Variants in KLF12 observed in about 807,000 individuals in gnomAD.
KLF12 encodes the protein Krueppel-like factor 12.
KLF12 carries 9 observed loss-of-function variants against 37.8 expected under a neutral mutation model. That is an observed-to-expected ratio of 0.24 (90% CI 0.14 to 0.42). The LOEUF (loss-of-function observed/expected upper bound fraction) is 0.42, where lower values mean the gene tolerates loss of function less well. KLF12 is among the 10% of genes least tolerant of loss of function. The probability of loss-of-function intolerance (pLI) is 1.00; values close to 1 mark genes in which losing one functional copy is unlikely to be tolerated. For synonymous variants in KLF12, 208 were observed against 202.1 expected (o/e 1.03, Z -0.25); for missense variants, 411 against 516.0 (o/e 0.80, Z 1.97).
chr13:74,057,284 A>T (rs2138628395), intron 1 of KLF12, among the ~76,000 whole-genome samples: 1 of 152,316 alleles, frequency 6.6e-6, no homozygotes, highest in Admixed American at 6.5e-5. Context: ...ACAAAGTACA[A>T]CAGGGACAGC....
At chr13:73,717,700 A>T (rs1462252516) in intron 6 of KLF12, among the ~76,000 whole-genome samples, 1 of 152,232 alleles carries the variant, frequency 6.6e-6, no homozygotes, top group Admixed American at 6.5e-5. Flanking sequence ...CAGCTTTCTT[A>T]TCAATGTGGA....
chr13:74,130,582 G>A (rs1260261633), intron 1 of KLF12, among the ~76,000 whole-genome samples: 2 of 151,506 alleles, frequency 1.3e-5, no homozygotes. Context: ...CCTTGAGCCC[G>A]GGAATTTGAG....
the KLF12 span, among the ~76,000 whole-genome samples, chr13:74,169,628 A>G: frequency 1.3e-5 from 2 of 152,220 alleles, no homozygotes; most frequent in Non-Finnish European, 2.9e-5. Context: ...TTGCCCTTGG[A>G]TAACTTTTTG....
At chr13:73,847,393 T>C (rs1404978912) in intron 3 of KLF12, among the ~76,000 whole-genome samples, 3 of 152,136 alleles carry the variant, frequency 2.0e-5, no homozygotes, top group Non-Finnish European at 4.4e-5. Flanking sequence ...TTATATTAAA[T>C]TGGTTCATTT....
intron 6 of KLF12, among the ~76,000 whole-genome samples, chr13:73,730,020 G>T (rs1031867525): frequency 1.7e-4 from 26 of 152,108 alleles, no homozygotes; most frequent in African/African-American, 5.8e-4. Context: ...TTCTCAGAAC[G>T]ACCTTGGCCT....
chr13:74,097,234 T>C (rs1473699689), intron 1 of KLF12, among the ~76,000 whole-genome samples: 1 of 152,196 alleles, frequency 6.6e-6, no homozygotes, highest in Non-Finnish European at 1.5e-5. Flanking sequence ...CTTTTTTGAG[T>C]TCCCATCTTA....
chr13:73,827,511 C>G (rs1229261256), intron 4 of KLF12, among the ~76,000 whole-genome samples: 1 of 152,170 alleles, frequency 6.6e-6, no homozygotes, highest in Admixed American at 6.5e-5. Context: ...ATCCAAAGAA[C>G]ACTCCCACCT....
At chr13:74,189,786 TAAC>T in the KLF12 span, among the ~76,000 whole-genome samples, 1 of 152,210 alleles carries the variant, frequency 6.6e-6, no homozygotes, top group Non-Finnish European at 1.5e-5. Context: ...TTTTTCATCT[TAAC>T]AAGTTATCAG....
At chr13:73,799,470 A>T (rs1453119344) in intron 5 of KLF12, among the ~76,000 whole-genome samples, 1 of 141,368 alleles carries the variant, frequency 7.1e-6, no homozygotes, top group Non-Finnish European at 1.5e-5. Flanking sequence ...TGTATGTAAA[A>T]GGATTACATA....
intron 2 of KLF12, among the ~76,000 whole-genome samples, chr13:73,972,129 G>A (rs1891364862): frequency 1.3e-5 from 2 of 152,072 alleles, no homozygotes; most frequent in East Asian, 1.9e-4. Context: ...AGTAAAGGGA[G>A]GAAAAAACAT....
At chr13:73,937,838 C>T (rs1008585114) in intron 3 of KLF12, among the ~76,000 whole-genome samples, 3 of 152,104 alleles carry the variant, frequency 2.0e-5, no homozygotes, top group African/African-American at 7.2e-5. Flanking sequence ...ATCAGTCTAA[C>T]TCTGCATCTT....
chr13:73,951,616 A>G (rs1890650541), intron 2 of KLF12, among the ~76,000 whole-genome samples: 1 of 152,214 alleles, frequency 6.6e-6, no homozygotes. Context: ...AGGTGGAAGC[A>G]GCAAGGCAAA....
intron 3 of KLF12, among the ~76,000 whole-genome samples, chr13:73,924,132 A>T (rs532945301): frequency 6.6e-6 from 1 of 152,376 alleles, no homozygotes; most frequent in South Asian, 2.1e-4. Flanking sequence ...AGTAGGACTC[A>T]GGTAGAGCAT....
intron 1 of KLF12, among the ~76,000 whole-genome samples, chr13:74,041,383 TTC>T (rs1218488055): frequency 2.0e-5 from 3 of 152,196 alleles, no homozygotes; most frequent in Admixed American, 1.3e-4. Context: ...TGAGTTTTAT[TTC>T]TCTTTTTGTG....
chr13:73,930,860 A>ATTT (rs11432866), intron 3 of KLF12, among the ~76,000 whole-genome samples: 1,589 of 109,206 alleles, frequency 0.015, 2 homozygotes, highest in Middle Eastern at 0.025. Context: ...AACTGGAAAC[A>ATTT]TTTTTTTTTT....
chr13:73,806,459 G>A (rs1392866583), intron 5 of KLF12, among the ~76,000 whole-genome samples: 1 of 151,814 alleles, frequency 6.6e-6, no homozygotes, highest in Non-Finnish European at 1.5e-5. Context: ...TTGAACTCCT[G>A]GGCTCAATTG....
the KLF12 span, among the ~76,000 whole-genome samples, chr13:74,214,400 T>G: frequency 6.6e-6 from 1 of 152,226 alleles, no homozygotes; most frequent in Non-Finnish European, 1.5e-5. Flanking sequence ...ATTCAGTGTC[T>G]TCCTGTATTT....
intron 2 of KLF12, among the ~76,000 whole-genome samples, chr13:73,979,897 G>C (rs1412927844): frequency 2.0e-5 from 3 of 152,010 alleles, no homozygotes; most frequent in Non-Finnish European, 4.4e-5. Context: ...TCAATGGCTG[G>C]TGTTCTTATA....
At chr13:73,817,324 A>AAAAAAAAGAAAAG (rs1184659945) in intron 4 of KLF12, among the ~76,000 whole-genome samples, 92 of 97,868 alleles carry the variant, frequency 9.4e-4, no homozygotes, top group African/African-American at 2.3e-3. Flanking sequence ...GTTTCAAAAA[A>AAAAAAAAGAAAAG]AAAAGAAAAG....
Sources: gnomAD v4.1 joint callset for allele counts (sites outside exome capture counted in the v4.1 genomes callset) on GRCh38, gnomAD v4.1.1 for gene constraint, MANE v1.5 for transcripts, NCBI Gene and HGNC (gene_info 2026-07-23, HGNC 2026-07-21) for gene names.